The following CRPPA variants were observed in gnomAD, a reference collection of about 807,000 sequenced individuals.
CRPPA encodes the protein D-ribitol-5-phosphate cytidylyltransferase.
Under a neutral mutation model 52.0 loss-of-function variants are expected in CRPPA, and 43 were observed. The ratio of observed to expected loss-of-function variants is 0.83; its 90% confidence interval spans 0.65 to 1.07. The LOEUF is 1.07. Ranked by LOEUF, CRPPA falls within the 50% of genes least tolerant of loss-of-function variation. The pLI is 0.00. For synonymous variants in CRPPA, 250 were observed against 203.5 expected, an observed-to-expected ratio of 1.23 and a Z score of -1.94; for missense variants, 629 against 551.7, an observed-to-expected ratio of 1.14 and a Z score of -1.40.
chr7:16,301,402 G>A lies in CRPPA; in HGVS notation c.835+19C>T, dbSNP rs762063588. 8 of 1,604,894 alleles carry A rather than the reference G, an allele frequency of 5.0e-6. No homozygotes were observed. The highest frequency in any genetic ancestry group is 6.8e-6 in the Non-Finnish European group (8 of 1,172,712). ...CATTTTTGAAACACAGGAACTGACAGTCATAAGGCCAAACATACCCTTAAT... is the reference window on the plus strand; with the variant it reads ...CATTTTTGAAACACAGGAACTGACAATCATAAGGCCAAACATACCCTTAAT... On this transcript the variant is annotated intron_variant, in intron 5 of 9. Transcript: ENST00000407010.
At chr7:16,298,781 C>T (rs1784725215) in intron 5 of CRPPA, among the ~76,000 whole-genome samples, 1 of 152,190 alleles carries the variant, frequency 6.6e-6, no homozygotes, top group African/African-American at 2.4e-5. Flanking sequence ...AGATCATCCT[C>T]ACTGAAGTGT....
Position 16,399,043 on chromosome 7 carries a change from T to C in CRPPA, c.534+7018A>G, listed in dbSNP as rs28521876. On this transcript the variant is annotated intron_variant, in intron 2 of 9. Coordinates refer to ENST00000407010, the MANE Select transcript of CRPPA (RefSeq NM_001101426.4). ...ATGTGACCAACACGTTTAGGACAGG[T>C]GACAAGCGATTCACAATTGGTGCAT... 7.4e-3 allele frequency among the ~76,000 whole-genome samples: 1,124 copies of C among 152,306 alleles called. 18 individuals are homozygous for C. Among genetic ancestry groups the C allele is most frequent in the African/African-American group, 0.025 (1,059 of 41,572 alleles).
At chr7:16,419,874 G>T (rs937549952) in intron 1 of CRPPA, among the ~76,000 whole-genome samples, 1 of 152,052 alleles carries the variant, frequency 6.6e-6, no homozygotes, top group African/African-American at 2.4e-5. Context: ...ATAATTTTTT[G>T]AGTAATAATT....
chr7:16,182,625 A>T lies in CRPPA; in HGVS notation c.1251+33441T>A, dbSNP rs114796488. Among the ~76,000 whole-genome samples, 1,014 of 152,256 alleles carry T rather than the reference A, an allele frequency of 6.7e-3. 13 individuals are homozygous for T. The highest frequency in any genetic ancestry group is 0.023 in the African/African-American group (971 of 41,530). On this transcript the variant is annotated intron_variant, in intron 9 of 9. Transcript: ENST00000407010. ...AGAGCATCTACACAATCCTCTTATTATAATAAGAGAAACTGGAGCCCAAAT... is the reference window on the plus strand; with the variant it reads ...AGAGCATCTACACAATCCTCTTATTTTAATAAGAGAAACTGGAGCCCAAAT...
At chr7:16,262,499 C>T (rs1783835868) in intron 6 of CRPPA, among the ~76,000 whole-genome samples, 2 of 152,100 alleles carry the variant, frequency 1.3e-5, no homozygotes, top group Non-Finnish European at 2.9e-5. Flanking sequence ...TTCTACAGAA[C>T]AAAAAGGTAT....
intron 9 of CRPPA, among the ~76,000 whole-genome samples, chr7:16,119,239 C>A (rs1229481301): frequency 6.6e-6 from 1 of 152,066 alleles, no homozygotes; most frequent in African/African-American, 2.4e-5. Context: ...AAGGACTGTG[C>A]CCTCCGTATC....
intron 3 of CRPPA, among the ~76,000 whole-genome samples, chr7:16,369,319 G>A (rs557796797): frequency 6.6e-6 from 1 of 152,312 alleles, no homozygotes; most frequent in East Asian, 1.9e-4. Flanking sequence ...GAGAGAAACA[G>A]AACAGGGCAG....
intron 3 of CRPPA, among the ~76,000 whole-genome samples, 188 bp downstream of exon 3, chr7:16,375,904 C>T (rs1786867639): frequency 6.6e-6 from 1 of 152,172 alleles, no homozygotes; most frequent in African/African-American, 2.4e-5. Context: ...GCAAACGGAT[C>T]CTCAACATTC....
Position 16,091,764 on chromosome 7 carries a change from A to C in CRPPA, c.1287T>G (p.Gly429=). 6.4e-7 allele frequency: 1 copy of C among 1,558,658 alleles called. No individual in the cohort carries two copies. The change falls in exon 10 of 10, where the codon GGT becomes GGG. Residue 429 remains glycine (G), a synonymous_variant. Coordinates refer to ENST00000407010, the MANE Select transcript of CRPPA (RefSeq NM_001101426.4). ...TGATTAATGAAGCAATAATGATAGC[A>C]CCTTGCCTTAAACTCTCCTGTAGCT... The part of the protein sequence containing the change: ...DQKLQESLRQ[G]AIIIASLIKE...
chr7:16,217,453 C>T (rs1490444830), intron 8 of CRPPA, among the ~76,000 whole-genome samples: 5 of 144,586 alleles, frequency 3.5e-5, no homozygotes, highest in Admixed American at 3.5e-4. Flanking sequence ...ATGACTTTGA[C>T]GAGCTGAGAG....
intron 5 of CRPPA, among the ~76,000 whole-genome samples, chr7:16,294,719 T>C (rs150543059): frequency 1.7e-3 from 258 of 152,136 alleles, no homozygotes; most frequent in African/African-American, 6.0e-3. Context: ...GGGGTTACTA[T>C]ATACATAATC....
Position 16,188,013 on chromosome 7 carries a change from G to A in CRPPA, c.1251+28053C>T, listed in dbSNP as rs115491232. ...TACATAAATGAGGACCTGAACCAAT[G>A]CCAGGACAGTTTGTATGAATTTGGG... is the stretch of plus-strand genomic sequence containing the variant. On this transcript the variant is annotated intron_variant, in intron 9 of 9. Coordinates refer to ENST00000407010, the MANE Select transcript of CRPPA (RefSeq NM_001101426.4). 2.9e-3 allele frequency among the ~76,000 whole-genome samples: 435 copies of A among 150,872 alleles called. 2 individuals carry two copies. The highest frequency in any genetic ancestry group is 9.9e-3 in the African/African-American group (407 of 41,124).
At chr7:16,288,383 T>A (rs1784491986) in intron 5 of CRPPA, among the ~76,000 whole-genome samples, 1 of 148,352 alleles carries the variant, frequency 6.7e-6, no homozygotes, top group Non-Finnish European at 1.5e-5. Context: ...CTATATATTC[T>A]AAAAAAAAAA....
chr7:16,290,301 A>G (rs1784534028), intron 5 of CRPPA, among the ~76,000 whole-genome samples: 1 of 152,038 alleles, frequency 6.6e-6, no homozygotes, highest in Non-Finnish European at 1.5e-5. Context: ...AAAAAAACCA[A>G]TCCTGAAATG....
intron 3 of CRPPA, among the ~76,000 whole-genome samples, chr7:16,337,937 T>C (rs1482959856): frequency 2.0e-5 from 3 of 152,090 alleles, no homozygotes; most frequent in Admixed American, 2.0e-4. Flanking sequence ...CTAATACCAA[T>C]TCTTCTCAAA....
intron 4 of CRPPA, among the ~76,000 whole-genome samples, chr7:16,303,491 A>AAACAAAAAAAC (rs1554317853): frequency 8.0e-6 from 1 of 124,936 alleles, no homozygotes; most frequent in Non-Finnish European, 1.8e-5. Context: ...AAAAAAAAAA[A>AAACAAAAAAAC]AAAAAAAAAA....
At chr7:16,143,926 T>G (rs1782921875) in intron 9 of CRPPA, among the ~76,000 whole-genome samples, 1 of 152,084 alleles carries the variant, frequency 6.6e-6, no homozygotes, top group African/African-American at 2.4e-5. Context: ...CCAGAACATT[T>G]GAAGGGGTAT....
At chr7:16,405,529 T>C (rs931531579) in intron 2 of CRPPA, among the ~76,000 whole-genome samples, 3 of 152,112 alleles carry the variant, frequency 2.0e-5, no homozygotes, top group South Asian at 4.1e-4. Context: ...TACTTGGTAA[T>C]AGAAGGAAAA....
At chr7:16,214,182 A>G (rs1346221757) in intron 9 of CRPPA, among the ~76,000 whole-genome samples, 3 of 152,212 alleles carry the variant, frequency 2.0e-5, no homozygotes, top group Non-Finnish European at 4.4e-5. Flanking sequence ...AGTATGCTCC[A>G]TGTAACATTT....
Sources: gnomAD v4.1 joint callset for allele counts (sites outside exome capture counted in the v4.1 genomes callset) on GRCh38, gnomAD v4.1.1 for gene constraint, MANE v1.5 for transcripts, NCBI Gene and HGNC (gene_info 2026-07-23, HGNC 2026-07-21) for gene names.